GYPE: variants seen among roughly 807,000 people sequenced by gnomAD.
The protein encoded by GYPE is glycophorin-E.
A neutral mutation model predicts 11.6 loss-of-function variants in GYPE; 8 were observed. The ratio of observed to expected loss-of-function variants is 0.69; its 90% CI spans 0.41 to 1.25. GYPE has a LOEUF of 1.25. GYPE is among the 50% of genes most tolerant of loss of function. GYPE has a pLI of 0.01. For synonymous variants in GYPE, 28 were observed against 29.6 expected, an observed-to-expected ratio of 0.94 and a Z score of 0.18; for missense variants, 90 against 92.8, an observed-to-expected ratio of 0.97 and a Z score of 0.12.
chr4:143,888,454 A>C lies in GYPE; in HGVS notation c.38-7945T>G, dbSNP rs1200066583. Among the ~76,000 whole-genome samples the C allele has an allele frequency of 4.1e-5, 5 of 122,394 alleles. No homozygotes were observed. In the East Asian group the frequency reaches 1.0e-3, roughly 25 times the overall value. 80.3% of individuals were successfully genotyped at this position (122,394 alleles called of 152,430 possible). A position where few individuals can be genotyped will look rare whatever the true frequency, so the allele number is the denominator to read the frequency against. On this transcript the variant is annotated intron_variant, in intron 1 of 3. Coordinates refer to ENST00000358615, the MANE Select transcript of GYPE (RefSeq NM_198682.3). ...ACACACCCTTCATATGAAATGCCTTAAATAGTTTCCAAGTCTGAAAACTAA... is the reference window on the plus strand; with the variant it reads ...ACACACCCTTCATATGAAATGCCTTCAATAGTTTCCAAGTCTGAAAACTAA...
intron 1 of GYPE, among the ~76,000 whole-genome samples, chr4:143,894,118 T>G (rs1194207574): frequency 6.6e-6 from 1 of 152,174 alleles, no homozygotes; most frequent in Non-Finnish European, 1.5e-5. Flanking sequence ...CTGAGGCTTC[T>G]GCATTATTCA....
At chr4:143,896,080 T>G (rs1744619641) in intron 1 of GYPE, among the ~76,000 whole-genome samples, 1 of 152,122 alleles carries the variant, frequency 6.6e-6, no homozygotes, top group African/African-American at 2.4e-5. Flanking sequence ...GCATTACCAT[T>G]CAGGACATAG....
At chr4:143,900,440 C>T (rs376634650) in intron 1 of GYPE, among the ~76,000 whole-genome samples, 33 of 124,040 alleles carry the variant, frequency 2.7e-4, no homozygotes, top group African/African-American at 9.1e-4. Context: ...TACCCCTATA[C>T]ATCTTTGAGT....
intron 1 of GYPE, among the ~76,000 whole-genome samples, chr4:143,904,511 C>G (rs2149919071): frequency 6.6e-6 from 1 of 152,256 alleles, no homozygotes; most frequent in East Asian, 1.9e-4. Context: ...TGCCTGTGCT[C>G]TTAACTATTG....
At chr4:143,895,084 G>A (rs1744571281) in intron 1 of GYPE, among the ~76,000 whole-genome samples, 1 of 152,108 alleles carries the variant, frequency 6.6e-6, no homozygotes, top group African/African-American at 2.4e-5. Context: ...CATTCCCTTT[G>A]AAAACTGGCA....
chr4:143,896,507 A>G (rs1313457741), intron 1 of GYPE, among the ~76,000 whole-genome samples: 2 of 152,216 alleles, frequency 1.3e-5, no homozygotes, highest in Admixed American at 1.3e-4. Context: ...TCAGGAAACA[A>G]CAGGTGCTGG....
intron 3 of GYPE, among the ~76,000 whole-genome samples, chr4:143,875,132 A>G (rs1743747173): frequency 6.6e-6 from 1 of 152,018 alleles, no homozygotes; most frequent in Non-Finnish European, 1.5e-5. Flanking sequence ...TTCACATGAG[A>G]CTTCATGTTA....
At chr4:143,901,321 A>T (rs1744856802) in intron 1 of GYPE, among the ~76,000 whole-genome samples, 1 of 152,138 alleles carries the variant, frequency 6.6e-6, no homozygotes, top group South Asian at 2.1e-4. Flanking sequence ...TAGAAAGCAG[A>T]GATTGTGTTT....
chr4:143,873,820 A>C (rs1743696201), intron 3 of GYPE, among the ~76,000 whole-genome samples: 1 of 152,046 alleles, frequency 6.6e-6, no homozygotes, highest in African/African-American at 2.4e-5. Flanking sequence ...TAAAAATGAG[A>C]ACCACTCAAA....
At chr4:143,880,644 T>C in intron 1 of GYPE, 135 bp from the exon 2 acceptor site, 1 of 1,366,540 alleles carries the variant, frequency 7.3e-7, no homozygotes, top group South Asian at 1.2e-5. Flanking sequence ...TCTTACATAA[T>C]CTTTAGAGAA....
chr4:143,904,413 C>G (rs1744982385), intron 1 of GYPE, among the ~76,000 whole-genome samples: 1 of 152,128 alleles, frequency 6.6e-6, no homozygotes, highest in Admixed American at 6.5e-5. Context: ...GACAAGGACA[C>G]ATAAAAATGT....
At position 143,882,375 on chromosome 4, in the gene GYPE, T is replaced by A. The variant is rs181411520; in HGVS notation, c.38-1866A>T. On this transcript the variant is annotated intron_variant, in intron 1 of 3. Coordinates refer to ENST00000358615, the MANE Select transcript of GYPE (RefSeq NM_198682.3). ...AGTATGTAAAAATTATTTACAAAGA[T>A]AACTAATGAACAAAAATAATCCATC... 4.7e-4 allele frequency among the ~76,000 whole-genome samples: 71 copies of A among 152,204 alleles called. No individual in the cohort carries two copies. The East Asian group carries it at 0.013, about 27-fold the overall frequency.
intron 1 of GYPE, among the ~76,000 whole-genome samples, chr4:143,905,117 A>G (rs1204437997): frequency 6.6e-6 from 1 of 152,200 alleles, no homozygotes; most frequent in African/African-American, 2.4e-5. Flanking sequence ...CTTTGTTAAT[A>G]ACTCTTTAGT....
At chr4:143,883,868 A>G (rs1237106172) in intron 1 of GYPE, among the ~76,000 whole-genome samples, 3 of 152,116 alleles carry the variant, frequency 2.0e-5, no homozygotes, top group African/African-American at 4.8e-5. Context: ...CACAAAACAT[A>G]GTCTGTAAAT....
At chr4:143,883,521 TTAA>T (rs1380312783) in intron 1 of GYPE, among the ~76,000 whole-genome samples, 8 of 143,824 alleles carry the variant, frequency 5.6e-5, no homozygotes, top group South Asian at 2.1e-4. Context: ...TAATTTATAA[TTAA>T]TAATAACATG....
intron 1 of GYPE, among the ~76,000 whole-genome samples, chr4:143,904,463 G>T (rs929795476): frequency 6.6e-5 from 10 of 152,156 alleles, no homozygotes; most frequent in Non-Finnish European, 1.5e-4. Flanking sequence ...GCCTTGAGAA[G>T]TAAAACTAGA....
At chr4:143,894,419 T>A (rs973042477) in intron 1 of GYPE, among the ~76,000 whole-genome samples, 4 of 151,942 alleles carry the variant, frequency 2.6e-5, no homozygotes, top group Admixed American at 2.6e-4. Context: ...TTCTGCTCTG[T>A]TTTTTCCCCA....
intron 2 of GYPE, among the ~76,000 whole-genome samples, chr4:143,877,633 G>A (rs1398772193): frequency 6.6e-6 from 1 of 151,934 alleles, no homozygotes; most frequent in Non-Finnish European, 1.5e-5. Flanking sequence ...ATATTTAAAA[G>A]TCCTATTATT....
rs1410314369 is a variant in GYPE at position 143,876,796 on chromosome 4, C to G, written c.196G>C (p.Val66Leu). ...ARVIFEVMLVVVGMIILISYC... is the reference protein window; with the variant it reads ...ARVIFEVMLVLVGMIILISYC... The stretch of plus-strand genomic sequence containing the variant: ...GAAATTAAGATGATCATTCCAACAA[C>G]AACAAGCATCACCTCAAAAATAACA... Residue 66 changes from valine to leucine, a missense_variant, in exon 3 of 4, where the codon GTT (valine) becomes CTT (leucine). Physicochemically the swap from Val to Leu is conservative, Grantham distance 32. Transcript: ENST00000358615. 1 of 1,610,578 alleles carries G rather than the reference C, an allele frequency of 6.2e-7. No homozygotes were observed. The highest frequency in any genetic ancestry group is 8.5e-7 in the Non-Finnish European group (1 of 1,177,440).
Sources: allele counts gnomAD v4.1 joint callset (sites outside exome capture counted in the v4.1 genomes callset), GRCh38; gene constraint gnomAD v4.1.1; transcripts MANE v1.5; gene names NCBI Gene and HGNC (gene_info 2026-07-23, HGNC 2026-07-21).